RNGTT: variants seen among roughly 807,000 people sequenced by gnomAD.
RNGTT encodes RNA guanylyltransferase and 5'-phosphatase, also known as mRNA-capping enzyme.
A neutral mutation model predicts 79.3 loss-of-function variants in RNGTT; 33 were observed. The ratio of observed to expected loss-of-function variants is 0.42; its 90% CI spans 0.32 to 0.56. RNGTT has a LOEUF of 0.56. RNGTT is among the 20% of genes least tolerant of loss of function. The pLI is 0.17. For synonymous variants in RNGTT, 222 were observed against 235.9 expected, an observed-to-expected ratio of 0.94 and a Z score of 0.54; for missense variants, 497 against 739.1, an observed-to-expected ratio of 0.67 and a Z score of 3.80.
intron 12 of RNGTT, among the ~76,000 whole-genome samples, chr6:88,770,245 T>C (rs1778605147): frequency 6.6e-6 from 1 of 152,114 alleles, no homozygotes; most frequent in African/African-American, 2.4e-5. Flanking sequence ...ATATATACAG[T>C]TACGTAACCA....
chr6:88,647,715 A>AAAAAAAAAAAGAAAAAAGAAG (rs531898293), intron 14 of RNGTT, among the ~76,000 whole-genome samples: 12 of 142,496 alleles, frequency 8.4e-5, no homozygotes, highest in African/African-American at 3.6e-4. Flanking sequence ...AAAAAAAAAA[A>AAAAAAAAAAAGAAAAAAGAAG]AAGAAGAAGA....
At chr6:88,623,028 T>C (rs1772496100) in intron 14 of RNGTT, among the ~76,000 whole-genome samples, 1 of 152,034 alleles carries the variant, frequency 6.6e-6, no homozygotes, top group South Asian at 2.1e-4. Context: ...AGGTGGGTTC[T>C]AAGGAGATGA....
chr6:88,801,776 A>C, intron 11 of RNGTT, 144 bp from the exon 12 acceptor site: 1 of 490,140 alleles, frequency 2.0e-6, no homozygotes, highest in South Asian at 2.2e-5. Context: ...GATAGGTCTA[A>C]AGGAATCTAA....
chr6:88,763,343 T>C (rs1778334611), intron 13 of RNGTT, among the ~76,000 whole-genome samples: 1 of 152,152 alleles, frequency 6.6e-6, no homozygotes, highest in Non-Finnish European at 1.5e-5. Flanking sequence ...GATAAGAAGA[T>C]TTACGTACAA....
intron 8 of RNGTT, among the ~76,000 whole-genome samples, chr6:88,863,269 C>A (rs1782069165): frequency 6.6e-6 from 1 of 152,144 alleles, no homozygotes; most frequent in African/African-American, 2.4e-5. Flanking sequence ...GGACAATTTG[C>A]CAACATTTAA....
At chr6:88,678,745 G>C (rs768895378) in intron 13 of RNGTT, among the ~76,000 whole-genome samples, 4 of 152,072 alleles carry the variant, frequency 2.6e-5, no homozygotes, top group Non-Finnish European at 4.4e-5. Flanking sequence ...GACTGCACCT[G>C]TGAATAGCCA....
chr6:88,839,927 A>G (rs576695532), intron 11 of RNGTT, among the ~76,000 whole-genome samples: 1 of 152,308 alleles, frequency 6.6e-6, no homozygotes, highest in South Asian at 2.1e-4. Flanking sequence ...TTAACAGATC[A>G]AATTAAACAA....
At chr6:88,709,629 CATT>C (rs1341286904) in intron 13 of RNGTT, among the ~76,000 whole-genome samples, 2 of 152,138 alleles carry the variant, frequency 1.3e-5, no homozygotes, top group Non-Finnish European at 2.9e-5. Context: ...TGTTCTAAAA[CATT>C]ATTTCAACAT....
chr6:88,877,181 A>G (rs978475301), intron 8 of RNGTT, among the ~76,000 whole-genome samples: 6 of 152,210 alleles, frequency 3.9e-5, no homozygotes, highest in African/African-American at 1.2e-4. Flanking sequence ...TGGGAAATCA[A>G]TGTTGGTTCT....
intron 12 of RNGTT, among the ~76,000 whole-genome samples, chr6:88,793,052 T>C (rs1394393815): frequency 6.6e-6 from 1 of 152,228 alleles, no homozygotes; most frequent in African/African-American, 2.4e-5. Context: ...CACATCCTTC[T>C]TACAGCCAGA....
intron 8 of RNGTT, among the ~76,000 whole-genome samples, chr6:88,857,833 T>C (rs1018209406): frequency 6.6e-6 from 1 of 152,188 alleles, no homozygotes; most frequent in African/African-American, 2.4e-5. Flanking sequence ...TCAATGATAT[T>C]TGCTTTCCTC....
chr6:88,841,246 G>A (rs183862223), intron 11 of RNGTT, among the ~76,000 whole-genome samples: 1 of 152,240 alleles, frequency 6.6e-6, no homozygotes, highest in Admixed American at 6.5e-5. Context: ...GATCATAGCG[G>A]CAGAGGTCAA....
chr6:88,819,535 C>A (rs1048319467), intron 11 of RNGTT, among the ~76,000 whole-genome samples: 1 of 152,170 alleles, frequency 6.6e-6, no homozygotes, highest in Non-Finnish European at 1.5e-5. Flanking sequence ...GTAAAGAGTC[C>A]TAATCCTTTG....
chr6:88,930,377 A>G (rs1784480916), intron 2 of RNGTT, among the ~76,000 whole-genome samples: 2 of 151,930 alleles, frequency 1.3e-5, no homozygotes, highest in South Asian at 2.1e-4. Context: ...AGATGGTAGT[A>G]CGGGAAATTT....
intron 11 of RNGTT, among the ~76,000 whole-genome samples, chr6:88,806,037 C>A (rs1252729147): frequency 6.6e-6 from 1 of 152,060 alleles, no homozygotes; most frequent in Non-Finnish European, 1.5e-5. Flanking sequence ...AGCCTATTAA[C>A]AAACTAAAAG....
At chr6:88,662,342 T>G (rs1774217735) in intron 14 of RNGTT, among the ~76,000 whole-genome samples, 1 of 152,224 alleles carries the variant, frequency 6.6e-6, no homozygotes, top group South Asian at 2.1e-4. Context: ...TCTGAAACTT[T>G]CTGTTCTGTT....
intron 13 of RNGTT, among the ~76,000 whole-genome samples, chr6:88,722,685 A>C (rs1199698108): frequency 2.0e-5 from 3 of 152,344 alleles, no homozygotes; most frequent in South Asian, 4.1e-4. Context: ...AGGTTTTCAC[A>C]TGAAAGATCC....
rs562708254 is a variant in RNGTT, at chr6:88,818,415, TCTA to T, written c.1270-16786_1270-16784del. On this transcript the variant is annotated intron_variant, in intron 11 of 15. Transcript: ENST00000369485. ...CTGGCCAACATGGTGAAACCCCGTC[TCTA>T]CTAAAAATACAAAAATTAGCCAGGC... Among the ~76,000 whole-genome samples, 220 of 151,968 alleles carry T rather than the reference TCTA, an allele frequency of 1.4e-3. 3 individuals are homozygous for T. The highest frequency in any genetic ancestry group is 2.5e-3 in the Non-Finnish European group (168 of 67,954).
intron 1 of RNGTT, among the ~76,000 whole-genome samples, chr6:88,942,277 G>T (rs1477411402): frequency 6.6e-6 from 1 of 152,134 alleles, no homozygotes; most frequent in Non-Finnish European, 1.5e-5. Context: ...CAGCTAGAAA[G>T]ACTGACTTTT....
Sources: gnomAD v4.1 joint callset for allele counts (sites outside exome capture counted in the v4.1 genomes callset) on GRCh38, gnomAD v4.1.1 for gene constraint, MANE v1.5 for transcripts, NCBI Gene and HGNC (gene_info 2026-07-23, HGNC 2026-07-21) for gene names.